LGR5: variants seen among roughly 807,000 people sequenced by gnomAD.
The protein encoded by LGR5 is leucine-rich repeat-containing G protein-coupled receptor 5.
In LGR5, 54 loss-of-function variants were observed where a neutral mutation model predicts 76.7. The ratio of observed to expected loss-of-function variants is 0.70; its 90% CI spans 0.57 to 0.88. The LOEUF (loss-of-function observed/expected upper bound fraction) is 0.88, where lower values mean the gene tolerates loss of function less well. LGR5 is among the 40% of genes least tolerant of loss of function. The pLI, the probability that LGR5 is intolerant of heterozygous loss-of-function variation, is 0.00. For missense variants in LGR5, 1,078 were observed against 1,073.3 expected (o/e 1.00, Z -0.06); for synonymous variants, 406 against 421.9 (o/e 0.96, Z 0.46).
chr12:71,528,308 A>T (rs1380939036), intron 3 of LGR5, among the ~76,000 whole-genome samples: 2 of 152,052 alleles, frequency 1.3e-5, no homozygotes, highest in African/African-American at 2.4e-5. Context: ...AAATACAAAA[A>T]TTAGCCTGGC....
chr12:71,546,398 G>T lies in LGR5; in HGVS notation c.429-6675G>T, dbSNP rs564073349. On this transcript the variant is annotated intron_variant, in intron 4 of 17. Coordinates refer to ENST00000266674, the MANE Select transcript of LGR5 (RefSeq NM_003667.4). ...TAGAACACATTGATATGACAGAACCGCATTCACAGTGAACATGGAGTTATG... is the reference window on the plus strand; with the variant it reads ...TAGAACACATTGATATGACAGAACCTCATTCACAGTGAACATGGAGTTATG... 2.6e-5 allele frequency among the ~76,000 whole-genome samples: 4 copies of T among 151,900 alleles called. No individual in the cohort carries two copies. The South Asian group carries it at 8.4e-4, about 32-fold the overall frequency.
chr12:71,544,293 G>A (rs1326273059), intron 4 of LGR5, among the ~76,000 whole-genome samples: 5 of 95,486 alleles, frequency 5.2e-5, no homozygotes, highest in South Asian at 3.4e-4. Context: ...TTTTTTCTTC[G>A]TCTTTTTTTT....
Position 71,565,422 on chromosome 12 carries a change from CTATATATATA to C in LGR5, c.858-969_858-960del, listed in dbSNP as rs1209363296. On this transcript the variant is annotated intron_variant, in intron 8 of 17. Transcript: ENST00000266674. ...AAAGTTGTTGCATGGATCAATTGAG[CTATATATATA>C]TATATATATATAGCTCATATATAGA... Among the ~76,000 whole-genome samples the C allele has an allele frequency of 4.0e-3, 56 of 13,990 alleles. 1 individual carries two copies. Among genetic ancestry groups the C allele is most frequent in the African/African-American group, 5.1e-3 (55 of 10,868 alleles). 9.2% of individuals were successfully genotyped at this position (13,990 alleles called of 152,430 possible).
At chr12:71,535,681 A>G (rs1273867223) in intron 4 of LGR5, among the ~76,000 whole-genome samples, 1 of 152,166 alleles carries the variant, frequency 6.6e-6, no homozygotes, top group Non-Finnish European at 1.5e-5. Flanking sequence ...GGAGCCTAAG[A>G]TCTACTGGTA....
At chr12:71,468,693 A>G (rs1872958623) in intron 1 of LGR5, among the ~76,000 whole-genome samples, 1 of 140,212 alleles carries the variant, frequency 7.1e-6, no homozygotes, top group Non-Finnish European at 1.5e-5. Context: ...ACTTTGAAGG[A>G]TCTCTGTGGT....
chr12:71,537,635 A>G (rs945708875), intron 4 of LGR5, among the ~76,000 whole-genome samples: 3 of 152,246 alleles, frequency 2.0e-5, no homozygotes, highest in Non-Finnish European at 2.9e-5. Context: ...TTAAAGTTCT[A>G]TTGTCCTGGT....
chr12:71,489,000 G>A (rs1485046648), intron 1 of LGR5, among the ~76,000 whole-genome samples: 1 of 152,164 alleles, frequency 6.6e-6, no homozygotes, highest in Admixed American at 6.5e-5. Flanking sequence ...TATTATTACT[G>A]TTGTGACATC....
chr12:71,566,789 T>C, intron 10 of LGR5, 52 bp from the exon 11 acceptor site: 1 of 1,583,700 alleles, frequency 6.3e-7, no homozygotes, highest in Non-Finnish European at 8.7e-7. Context: ...TCAAAATATG[T>C]CACTGTGTGA....
chr12:71,470,303 G>A (rs1873042952), intron 1 of LGR5, among the ~76,000 whole-genome samples: 1 of 152,160 alleles, frequency 6.6e-6, no homozygotes, highest in Non-Finnish European at 1.5e-5. Flanking sequence ...AGGGAGAACA[G>A]GCTTCAGGCT....
At chr12:71,444,329 C>G (rs1949204697) in intron 1 of LGR5, among the ~76,000 whole-genome samples, 1 of 151,818 alleles carries the variant, frequency 6.6e-6, no homozygotes, top group African/African-American at 2.4e-5. Context: ...TAATGAAGTT[C>G]TTTCTTTTTC....
chr12:71,558,641 A>G (rs1478808314), intron 6 of LGR5, among the ~76,000 whole-genome samples: 1 of 152,226 alleles, frequency 6.6e-6, no homozygotes, highest in Non-Finnish European at 1.5e-5. Flanking sequence ...ACCTTGATTC[A>G]TGTTTAACTC....
chr12:71,549,310 G>C (rs1019700714), intron 4 of LGR5, among the ~76,000 whole-genome samples: 2 of 152,124 alleles, frequency 1.3e-5, no homozygotes, highest in African/African-American at 4.8e-5. Flanking sequence ...GGTTGAGTGG[G>C]GAGATGTTGG....
intron 1 of LGR5, among the ~76,000 whole-genome samples, chr12:71,476,807 G>A (rs1476513743): frequency 6.6e-6 from 1 of 152,182 alleles, no homozygotes; most frequent in Non-Finnish European, 1.5e-5. Context: ...AAGTTATGGA[G>A]AGAATATGTT....
chr12:71,519,829 A>T (rs1024857230), intron 2 of LGR5, among the ~76,000 whole-genome samples: 15 of 151,300 alleles, frequency 9.9e-5, no homozygotes, highest in African/African-American at 2.9e-4. Context: ...TGTTTCAAAA[A>T]AATAATAATA....
intron 4 of LGR5, among the ~76,000 whole-genome samples, chr12:71,545,993 G>A (rs10735964): frequency 0.5 from 76,223 of 151,992 alleles, 19,587 homozygotes; most frequent in East Asian, 0.83. Context: ...CAAAGAAAAT[G>A]AGCTTATTTT....
intron 2 of LGR5, among the ~76,000 whole-genome samples, chr12:71,518,839 A>G (rs1875576717): frequency 6.6e-6 from 1 of 152,188 alleles, no homozygotes; most frequent in Admixed American, 6.5e-5. Context: ...GGCCTATCAG[A>G]GGATGGGAGG....
rs1879203073 is a variant in LGR5 at position 71,583,958 on chromosome 12, T to A, written c.1948T>A (p.Ser650Thr). 1 of 1,614,172 alleles carries A rather than the reference T, an allele frequency of 6.2e-7. No homozygotes were observed. Among genetic ancestry groups the A allele is most frequent in the East Asian group, 2.2e-5 (1 of 44,888 alleles). The change falls in exon 18 of 18, where the codon TCA becomes ACA. Residue 650 changes from serine to threonine, a missense_variant. By Grantham distance (58) the Ser-to-Thr change is moderately conservative. Transcript: ENST00000266674. ...TTTTTTGTCCATTTTTGCTTCAGAA[T>A]CATCTGTTTTCCTGCTTACTCTGGC... ...IGFLSIFASE[S>T]SVFLLTLAAL...
Position 71,583,726 on chromosome 12 carries a change from T to A in LGR5, c.1716T>A (p.Leu572=). 1 of 1,614,144 alleles carries A rather than the reference T, an allele frequency of 6.2e-7. No homozygotes were observed. The highest frequency in any genetic ancestry group is 2.2e-5 in the East Asian group (1 of 44,882). The change falls in exon 18 of 18, where the codon CTT becomes CTA. Residue 572 remains leucine (L), a synonymous_variant. Transcript: ENST00000266674. ...TGTGGACCATAGCAGTTCTGGCACT[T>A]ACTTGTAATGCTTTGGTGACTTCAA... The part of the protein sequence containing the change: ...IGVWTIAVLA[L]TCNALVTSTV...
At chr12:71,529,214 A>G (rs1292887813) in intron 3 of LGR5, among the ~76,000 whole-genome samples, 2 of 152,198 alleles carry the variant, frequency 1.3e-5, no homozygotes, top group Non-Finnish European at 2.9e-5. Context: ...CACTGCTGTA[A>G]AGAACTACCT....
Sources: allele counts gnomAD v4.1 joint callset (sites outside exome capture counted in the v4.1 genomes callset), GRCh38; gene constraint gnomAD v4.1.1; transcripts MANE v1.5; gene names NCBI Gene and HGNC (gene_info 2026-07-23, HGNC 2026-07-21).